Variants in TMEM130 observed in about 807,000 individuals in gnomAD.
The protein encoded by TMEM130 is transmembrane protein 130.
A neutral mutation model predicts 42.9 loss-of-function variants in TMEM130; 37 were observed. That is an observed-to-expected ratio of 0.86 (90% confidence interval 0.66 to 1.13). The LOEUF (loss-of-function observed/expected upper bound fraction) is 1.13, where lower values mean the gene tolerates loss of function less well. Among genes scored for constraint, TMEM130 ranks in the 50% most tolerant of loss-of-function variants. The pLI is 0.00. For missense variants in TMEM130, 545 were observed against 562.6 expected (o/e 0.97, Z 0.32); for synonymous variants, 259 against 237.7 (o/e 1.09, Z -0.82).
At chr7:98,850,982 CT>C (rs562574183) in intron 6 of TMEM130, among the ~76,000 whole-genome samples, 8 of 152,116 alleles carry the variant, frequency 5.3e-5, no homozygotes, top group African/African-American at 1.9e-4. Flanking sequence ...GTGGCATGGG[CT>C]TATAGATGTG....
chr7:98,853,441 G>A (rs186495789), intron 5 of TMEM130, among the ~76,000 whole-genome samples: 24 of 152,142 alleles, frequency 1.6e-4, no homozygotes, highest in South Asian at 8.3e-4. Flanking sequence ...CAGCCTGGCC[G>A]ACATGATGAA....
rs781903735 is a variant in TMEM130 at position 98,848,156 on chromosome 7, G to A, written c.1172C>T (p.Pro391Leu). 2.5e-6 allele frequency: 4 copies of A among 1,614,118 alleles called. No individual in the cohort carries two copies. The East Asian group carries it at 8.9e-5, about 36-fold the overall frequency. ...CTCAGATGGAGTCTCCAGCAAGAAA[G>A]GCCCACAGCACATCTGGCAGCAGCA... Reference protein sequence around the residue: ...VRCCCQMCCGPFLLETPSEYL... With the variant: ...VRCCCQMCCGLFLLETPSEYL... The change falls in exon 8 of 8, where the codon CCT becomes CTT. Residue 391 changes from proline (P) to leucine (L), a missense_variant. Physicochemically the swap from Pro to Leu is moderately conservative, Grantham distance 98. Coordinates refer to ENST00000339375, the MANE Select transcript of TMEM130 (RefSeq NM_152913.3).
intron 2 of TMEM130, 88 bp downstream of exon 2, chr7:98,863,007 C>A: frequency 7.1e-7 from 1 of 1,418,434 alleles, no homozygotes; most frequent in Non-Finnish European, 9.6e-7. Flanking sequence ...CGGGCCTAAT[C>A]TGCATTGATC....
chr7:98,851,637 G>A lies in TMEM130; in HGVS notation c.804-14C>T, dbSNP rs1554398285. ...GTCAGAGGAGGGCTGCAGGGAAATG[G>A]GGGCGGTTTTTAAGAAAAGGCTCAG... On this transcript the variant is annotated splice_polypyrimidine_tract_variant and intron_variant, in intron 5 of 7. Transcript: ENST00000339375. 4 of 1,598,072 alleles carry A rather than the reference G, an allele frequency of 2.5e-6. No individual in the cohort carries two copies. The highest frequency in any genetic ancestry group is 1.1e-5 in the South Asian group (1 of 89,666).
chr7:98,869,643 G>A lies in TMEM130; in HGVS notation c.85+134C>T, dbSNP rs1794986247. ...AAAGGGCGCTGCAGTGGCCTCAGCCGAGGAGGGAGATGCGCGCAGGGCGCA... is the reference window on the plus strand; with the variant it reads ...AAAGGGCGCTGCAGTGGCCTCAGCCAAGGAGGGAGATGCGCGCAGGGCGCA... On this transcript the variant is annotated intron_variant, in intron 1 of 7. Coordinates refer to ENST00000339375, the MANE Select transcript of TMEM130 (RefSeq NM_152913.3). The surrounding 1 kb of genome is among the most constrained non-coding windows in gnomAD (Gnocchi z 4.7). The A allele has an allele frequency of 1.4e-6, 1 of 704,652 alleles. No homozygotes were observed. Among genetic ancestry groups the A allele is most frequent in the Non-Finnish European group, 2.1e-6 (1 of 483,334 alleles). The allele number at this position is 704,652 out of a possible 1,614,324, so 43.6% of individuals were successfully genotyped here.
In TMEM130 at chr7:98,860,084, A is replaced by G. The variant is rs549668603; in HGVS notation, c.551+95T>C. On this transcript the variant is annotated intron_variant, in intron 3 of 7. Coordinates refer to ENST00000339375, the MANE Select transcript of TMEM130 (RefSeq NM_152913.3). ...ACTGCATCTCAAAAAAAAAAAAAAA[A>G]TTAAAGGTGAAGAGATTCGGAGTAC... 1.5e-3 allele frequency: 1,765 copies of G among 1,177,862 alleles called. 3 individuals carry two copies. The highest frequency in any genetic ancestry group is 1.9e-3 in the Non-Finnish European group (1,698 of 899,094). The allele number at this position is 1,177,862 out of a possible 1,614,324, so 73.0% of individuals were successfully genotyped here. A position where few individuals can be genotyped will look rare whatever the true frequency, so the allele number is the denominator to read the frequency against.
intron 6 of TMEM130, 115 bp downstream of exon 6, chr7:98,851,306 T>G (rs1391544569): frequency 1.9e-6 from 2 of 1,056,526 alleles, no homozygotes; most frequent in African/African-American, 1.6e-5. Flanking sequence ...TAGCGGGCTT[T>G]GTTGCTGAGG....
chr7:98,848,307 TA>T, intron 7 of TMEM130, 99 bp from the exon 8 acceptor site: 2 of 1,461,722 alleles, frequency 1.4e-6, no homozygotes, highest in South Asian at 2.5e-5. Flanking sequence ...CAGGTGGCCT[TA>T]TGAGCTCAGC....
rs782790781 is a variant in TMEM130 at position 98,855,300 on chromosome 7, A to G, written c.743T>C (p.Leu248Ser). 6.2e-7 allele frequency: 1 copy of G among 1,613,180 alleles called. No individual in the cohort carries two copies. Among genetic ancestry groups the G allele is most frequent in the East Asian group, 2.2e-5 (1 of 44,846 alleles). ...GAAGGTCTGAATTAGGGTGGGCCCC[A>G]ACACTTGGATGCCTCGAAGGGTTTC... Reference protein sequence around the residue: ...LQETLRGIQVLGPTLIQTFQK... With the variant: ...LQETLRGIQVSGPTLIQTFQK... Residue 248 changes from leucine (L) to serine (S), a missense_variant, in exon 5 of 8, where the codon TTG becomes TCG. Physicochemically the swap from Leu to Ser is moderately radical, Grantham distance 145. Coordinates refer to ENST00000339375, the MANE Select transcript of TMEM130 (RefSeq NM_152913.3).
chr7:98,869,459 G>C lies in TMEM130; in HGVS notation c.85+318C>G. ...CTGCCTCGTCCTCCCCTCCCTTAGC[G>C]GGTGCATGGTCCCCAGGCATCGACG... On this transcript the variant is annotated intron_variant, in intron 1 of 7. Transcript: ENST00000339375. The surrounding 1 kb of genome is among the most constrained non-coding windows in gnomAD (Gnocchi z 4.7). 1.1e-6 allele frequency: 1 copy of C among 902,076 alleles called. No homozygotes were observed. The highest frequency in any genetic ancestry group is 1.3e-6 in the Non-Finnish European group (1 of 753,918). 55.9% of individuals were successfully genotyped at this position (902,076 alleles called of 1,614,324 possible). A position where few individuals can be genotyped will look rare whatever the true frequency, so the allele number is the denominator to read the frequency against.
intron 6 of TMEM130, among the ~76,000 whole-genome samples, chr7:98,851,133 T>TG (rs1482539786): frequency 1.3e-5 from 2 of 152,058 alleles, no homozygotes; most frequent in Admixed American, 1.3e-4. Flanking sequence ...TTAGTGGTGC[T>TG]GGTGTTGATG....
rs1335157181 is a variant in TMEM130, at chr7:98,869,825, G to C, written c.37C>G (p.Leu13Val). 1.4e-6 allele frequency: 2 copies of C among 1,448,634 alleles called. No individual in the cohort carries two copies. Among genetic ancestry groups the C allele is most frequent in the Admixed American group, 5.0e-5 (2 of 39,732 alleles). 89.7% of individuals were successfully genotyped at this position (1,448,634 alleles called of 1,614,324 possible). The change falls in exon 1 of 8, where the codon CTC (leucine) becomes GTC (valine). Residue 13 changes from leucine to valine, a missense_variant. Leu to Val is a conservative substitution (Grantham distance 32, BLOSUM62 1). Transcript: ENST00000339375. The surrounding 1 kb of genome is among the most constrained non-coding windows in gnomAD (Gnocchi z 4.7). ...QAVWSRLGRI[L>V]WLACLLPWAP... ...CAGGGCAGGAGGCAGGCAAGCCAGA[G>C]GATGCGGCCGAGGCGCGACCACACT...
At chr7:98,858,475 G>A (rs1451053962) in intron 3 of TMEM130, among the ~76,000 whole-genome samples, 1 of 152,164 alleles carries the variant, frequency 6.6e-6, no homozygotes, top group Non-Finnish European at 1.5e-5. Flanking sequence ...ACAGGAGATT[G>A]AGGCTGCAGT....
At position 98,847,985 on chromosome 7, in the gene TMEM130, G is replaced by T. The variant is rs1463586948; in HGVS notation, c.*71C>A. On this transcript the variant is annotated 3_prime_UTR_variant, in exon 8 of 8. Transcript: ENST00000339375. ...AAATGAACCCCTCCTGGTCAGTGGT[G>T]CACACCACCCTGCTGGAAACTCCAA... 4.9e-5 allele frequency: 73 copies of T among 1,485,516 alleles called. No individual in the cohort carries two copies. Among genetic ancestry groups the T allele is most frequent in the Admixed American group, 8.9e-5 (5 of 56,190 alleles). 92.0% of individuals were successfully genotyped at this position (1,485,516 alleles called of 1,614,324 possible).
At chr7:98,865,317 A>G (rs1321689863) in intron 1 of TMEM130, among the ~76,000 whole-genome samples, 1 of 152,148 alleles carries the variant, frequency 6.6e-6, no homozygotes, top group Non-Finnish European at 1.5e-5. Context: ...GCTTTCAACA[A>G]GAAAGGCTGG....
At chr7:98,853,543 G>T (rs998752614) in intron 5 of TMEM130, among the ~76,000 whole-genome samples, 3 of 152,154 alleles carry the variant, frequency 2.0e-5, no homozygotes, top group Admixed American at 6.5e-5. Flanking sequence ...CAGGAGAATC[G>T]CTTGAACCCG....
At chr7:98,850,093 A>C in intron 6 of TMEM130, among the ~76,000 whole-genome samples, 1 of 150,808 alleles carries the variant, frequency 6.6e-6, no homozygotes, top group Non-Finnish European at 1.5e-5. Context: ...TCTGTCGCTC[A>C]GGCTGGAGTG....
intron 3 of TMEM130, among the ~76,000 whole-genome samples, chr7:98,858,990 G>A (rs1489704155): frequency 1.4e-5 from 2 of 147,614 alleles, no homozygotes; most frequent in Non-Finnish European, 3.0e-5. Flanking sequence ...GAGGGAGAGA[G>A]GGAGGGAGGG....
At position 98,863,197 on chromosome 7, in the gene TMEM130, C is replaced by T. The variant is rs548472873; in HGVS notation, c.289G>A (p.Gly97Ser). The part of the protein sequence containing the change: ...KGLSSTIRVV[G>S]HVPGEFPVSV... ...ACCGGGAATTCCCCGGGCACGTGGC[C>T]GACCACACGGATGGTGGAGCTGAGA... is the stretch of plus-strand genomic sequence containing the variant. The change falls in exon 2 of 8, where the codon GGC (glycine) becomes AGC (serine). Residue 97 changes from glycine to serine, a missense_variant. By Grantham distance (56) the Gly-to-Ser change is moderately conservative. Coordinates refer to ENST00000339375, the MANE Select transcript of TMEM130 (RefSeq NM_152913.3). The T allele has an allele frequency of 4.6e-5, 75 of 1,614,100 alleles. No individual in the cohort carries two copies. In the East Asian group the frequency reaches 7.4e-4, roughly 16 times the overall value.
Sources: gnomAD v4.1 joint callset for allele counts (sites outside exome capture counted in the v4.1 genomes callset) on GRCh38, gnomAD v4.1.1 for gene constraint, Gnocchi (gnomAD v3.1) non-coding constraint, MANE v1.5 for transcripts, NCBI Gene and HGNC (gene_info 2026-07-23, HGNC 2026-07-21) for gene names.